TOM1: variants seen among roughly 807,000 people sequenced by gnomAD.
TOM1 encodes the protein target of Myb protein 1.
Under a neutral mutation model 61.3 loss-of-function variants are expected in TOM1, and 38 were observed. That is an observed-to-expected ratio of 0.62 (90% CI 0.48 to 0.81). TOM1 has a LOEUF of 0.81. Ranked by LOEUF, TOM1 falls within the 40% of genes least tolerant of loss-of-function variation. The pLI is 0.00. For missense variants in TOM1, 591 were observed against 659.6 expected (o/e 0.90, Z 1.14); for synonymous variants, 270 against 268.8 (o/e 1.00, Z -0.04).
chr22:35,345,801 T>G lies in TOM1; in HGVS notation c.1284+17T>G. The stretch of plus-strand genomic sequence containing the variant: ...ACTGACGTGGTATGTTGGGGCCCAC[T>G]CCTCACCCACACAGCAGGAGGACCC... On this transcript the variant is annotated intron_variant, in intron 13 of 14. Transcript: ENST00000449058. The G allele has an allele frequency of 6.2e-7, 1 of 1,613,208 alleles. No individual in the cohort carries two copies. The highest frequency in any genetic ancestry group is 1.1e-5 in the South Asian group (1 of 91,068).
At chr22:35,328,529 A>C (rs536174076) in intron 7 of TOM1, among the ~76,000 whole-genome samples, 23 of 152,342 alleles carry the variant, frequency 1.5e-4, no homozygotes, top group South Asian at 4.1e-4. Flanking sequence ...CAGAGCTGCG[A>C]TTTGAACCCG....
chr22:35,323,252 G>A lies in TOM1; in HGVS notation c.366+75G>A, dbSNP rs530179920. The A allele has an allele frequency of 2.0e-5, 31 of 1,558,994 alleles. No homozygotes were observed. Among genetic ancestry groups the A allele is most frequent in the South Asian group, 5.7e-5 (5 of 87,398 alleles). On this transcript the variant is annotated intron_variant, in intron 4 of 14. Transcript: ENST00000449058. The surrounding 1 kb of genome is among the most constrained non-coding windows in gnomAD (Gnocchi z 4.2). ...GGAGCTTCCTGCCCAGTGGAGAGTCGAGGCCATCGTGTTTGTCCCAGGCTC... is the reference window on the plus strand; with the variant it reads ...GGAGCTTCCTGCCCAGTGGAGAGTCAAGGCCATCGTGTTTGTCCCAGGCTC...
rs1043257432 is a variant in TOM1, at chr22:35,316,693, G to C, written c.53-1184G>C. Among the ~76,000 whole-genome samples, 21 of 152,340 alleles carry C rather than the reference G, an allele frequency of 1.4e-4. No homozygotes were observed. In the East Asian group the frequency reaches 3.7e-3, roughly 27 times the overall value. On this transcript the variant is annotated intron_variant, in intron 1 of 14. Coordinates refer to ENST00000449058, the MANE Select transcript of TOM1 (RefSeq NM_005488.3). ...AATTTCGTGGAACTGAATAGAGGTG[G>C]TGGTGGTTGTATTCAGTATTACAGG...
rs1409301541 is a variant in TOM1, at chr22:35,342,582, T to A, written c.1225-3143T>A. ...ATCCTTGTGGAGAGAGTTGAGAAGC[T>A]TTGTTTAGTTTGCTGTCAGCTCTGC... On this transcript the variant is annotated intron_variant, in intron 12 of 14. Transcript: ENST00000449058. Among the ~76,000 whole-genome samples the A allele has an allele frequency of 2.7e-5, 4 of 150,522 alleles. No homozygotes were observed. In the East Asian group the frequency reaches 7.8e-4, roughly 29 times the overall value.
chr22:35,341,805 G>A (rs1027995945), intron 12 of TOM1, among the ~76,000 whole-genome samples: 1 of 152,128 alleles, frequency 6.6e-6, no homozygotes, highest in Non-Finnish European at 1.5e-5. Flanking sequence ...CTGATAAACC[G>A]GTTATCACTG....
chr22:35,318,259 G>A (rs1927480456), intron 2 of TOM1: 2 of 486,352 alleles, frequency 4.1e-6, no homozygotes, highest in East Asian at 6.6e-5. Context: ...CCTAGGATGA[G>A]GCAAGCTGGA....
intron 2 of TOM1, among the ~76,000 whole-genome samples, chr22:35,320,987 G>GAAAA (rs138783): frequency 1.9e-4 from 17 of 88,948 alleles, no homozygotes; most frequent in African/African-American, 5.7e-4. Context: ...GTCTCAGAAG[G>GAAAA]AAAAAAAAAA....
In TOM1 at chr22:35,299,896, T is replaced by C. The variant is rs756911084; in HGVS notation, c.-33T>C. The C allele has an allele frequency of 5.0e-5, 79 of 1,569,510 alleles. 2 individuals carry two copies. The Admixed American group carries it at 1.4e-3, about 29-fold the overall frequency. ...GGCGCTGGCGGTTGCTGTCAGCTGATTCCCGGGGTTGGTGGCAGCGGCGGT... is the reference window on the plus strand; with the variant it reads ...GGCGCTGGCGGTTGCTGTCAGCTGACTCCCGGGGTTGGTGGCAGCGGCGGT... On this transcript the variant is annotated 5_prime_UTR_variant, in exon 1 of 15. Coordinates refer to ENST00000449058, the MANE Select transcript of TOM1 (RefSeq NM_005488.3).
At chr22:35,330,161 G>A (rs1181377676) in intron 7 of TOM1, among the ~76,000 whole-genome samples, 186 bp from the exon 8 acceptor site, 1 of 152,134 alleles carries the variant, frequency 6.6e-6, no homozygotes, top group Non-Finnish European at 1.5e-5. Context: ...GCAGACGCCT[G>A]TAGTCCCAGC....
intron 2 of TOM1, chr22:35,321,722 GCT>G: frequency 1.6e-6 from 1 of 642,342 alleles, no homozygotes. Flanking sequence ...TTAACAAAAC[GCT>G]CTCATCTTTT....
chr22:35,318,224 A>C lies in TOM1; in HGVS notation c.137+263A>C, dbSNP rs576647635. The C allele has an allele frequency of 4.3e-4, 236 of 552,872 alleles. 3 individuals are homozygous for C. In the South Asian group the frequency reaches 5.3e-3, roughly 12 times the overall value. 34.2% of individuals were successfully genotyped at this position (552,872 alleles called of 1,614,324 possible). On this transcript the variant is annotated intron_variant, in intron 2 of 14. Coordinates refer to ENST00000449058, the MANE Select transcript of TOM1 (RefSeq NM_005488.3). The stretch of plus-strand genomic sequence containing the variant: ...AGCCCAGATTCCACACGGATCTGGA[A>C]GCCCAGCCTTGTGTGCAGCATCTGC...
intron 1 of TOM1, 149 bp downstream of exon 1, chr22:35,300,129 T>C (rs536652911): frequency 1.1e-6 from 1 of 873,268 alleles, no homozygotes; most frequent in Non-Finnish European, 1.7e-6. Context: ...CCAGCTTTCC[T>C]CCCACTCTTG....
At chr22:35,317,126 A>G (rs946016426) in intron 1 of TOM1, among the ~76,000 whole-genome samples, 1 of 152,224 alleles carries the variant, frequency 6.6e-6, no homozygotes, top group Admixed American at 6.5e-5. Flanking sequence ...ATTGTATACC[A>G]CTTGAGAACT....
At chr22:35,337,481 G>T (rs1486599349) in intron 11 of TOM1, among the ~76,000 whole-genome samples, 1 of 152,200 alleles carries the variant, frequency 6.6e-6, no homozygotes, top group African/African-American at 2.4e-5. Flanking sequence ...CCATGGATGG[G>T]AGCCGTGTAA....
At chr22:35,333,070 G>A in intron 9 of TOM1, 56 bp downstream of exon 9, 2 of 1,576,682 alleles carry the variant, frequency 1.3e-6, no homozygotes, top group Non-Finnish European at 1.7e-6. Context: ...AAGAAGGAGT[G>A]CCATTCTCAC....
At chr22:35,301,341 G>A (rs946062350) in intron 1 of TOM1, among the ~76,000 whole-genome samples, 7 of 151,908 alleles carry the variant, frequency 4.6e-5, no homozygotes, top group African/African-American at 9.7e-5. Context: ...ACACACACAC[G>A]TTGTTCCTGA....
chr22:35,319,006 C>G (rs2145644862), intron 2 of TOM1, among the ~76,000 whole-genome samples: 1 of 152,314 alleles, frequency 6.6e-6, no homozygotes, highest in South Asian at 2.1e-4. Flanking sequence ...ACAGTCAAGG[C>G]CCAGTCAGGA....
intron 1 of TOM1, among the ~76,000 whole-genome samples, chr22:35,306,162 A>G (rs1244419746): frequency 1.3e-5 from 2 of 151,586 alleles, no homozygotes; most frequent in Non-Finnish European, 2.9e-5. Flanking sequence ...TTTCCCAACT[A>G]TTTAAAAATA....
chr22:35,300,359 G>C lies in TOM1; in HGVS notation c.52+379G>C, dbSNP rs938462328. Among the ~76,000 whole-genome samples, 17 of 152,254 alleles carry C rather than the reference G, an allele frequency of 1.1e-4. 1 individual carries two copies. Among genetic ancestry groups the C allele is most frequent in the Middle Eastern group, 6.8e-3 (2 of 294 alleles). On this transcript the variant is annotated intron_variant, in intron 1 of 14. Transcript: ENST00000449058. ...GGTCCCGCCGCCTGGGCTCTGGCCA[G>C]CTCCTTCCTGGCTCACCGGGCCCTC...
Sources: allele counts gnomAD v4.1 joint callset (sites outside exome capture counted in the v4.1 genomes callset), GRCh38; gene constraint gnomAD v4.1.1; non-coding constraint Gnocchi (gnomAD v3.1); transcripts MANE v1.5; gene names NCBI Gene and HGNC (gene_info 2026-07-23, HGNC 2026-07-21).